Variants in DST observed in about 807,000 individuals in gnomAD.
The protein encoded by DST is bullous pemphigoid antigen.
DST carries 253 observed loss-of-function variants against 875.2 expected under a neutral mutation model. The ratio of observed to expected loss-of-function variants is 0.29; its 90% CI spans 0.26 to 0.32. The LOEUF is 0.32. Among genes scored for constraint, DST ranks in the 10% least tolerant of loss-of-function variants. The probability of loss-of-function intolerance (pLI) is 1.00; values close to 1 mark genes in which losing one functional copy is unlikely to be tolerated. For missense variants in DST, 8,287 were observed against 9,111.6 expected, an observed-to-expected ratio of 0.91 and a Z score of 3.68; for synonymous variants, 3,124 against 3,197.1, an observed-to-expected ratio of 0.98 and a Z score of 0.77.
At chr6:56,910,465 C>T (rs1798359400) in intron 2 of DST, among the ~76,000 whole-genome samples, 1 of 145,720 alleles carries the variant, frequency 6.9e-6, no homozygotes, top group African/African-American at 2.7e-5. Context: ...CTGAATTGTA[C>T]ATTTATTTTA....
chr6:56,720,414 C>T (rs1447997160), intron 5 of DST, among the ~76,000 whole-genome samples: 1 of 148,218 alleles, frequency 6.7e-6, no homozygotes, highest in Non-Finnish European at 1.5e-5. Context: ...AGGGATTTGG[C>T]AGGGTCATAG....
chr6:56,621,957 A>C (rs1189378132), intron 36 of DST, among the ~76,000 whole-genome samples: 1 of 152,204 alleles, frequency 6.6e-6, no homozygotes, highest in Non-Finnish European at 1.5e-5. Context: ...TGCTAACCTA[A>C]ATAAGGTTTC....
intron 69 of DST, among the ~76,000 whole-genome samples, chr6:56,521,285 A>T (rs1312874477): frequency 6.6e-6 from 1 of 151,994 alleles, no homozygotes; most frequent in Middle Eastern, 3.2e-3. Flanking sequence ...ACCTGAGTGT[A>T]AATACTGCAA....
chr6:56,586,324 T>C (rs1463357933), intron 49 of DST, among the ~76,000 whole-genome samples: 1 of 151,938 alleles, frequency 6.6e-6, no homozygotes, highest in Non-Finnish European at 1.5e-5. Context: ...CTCTTCTGGT[T>C]GAATTGATCC....
intron 9 of DST, among the ~76,000 whole-genome samples, chr6:56,679,024 A>G (rs1195803723): frequency 6.6e-6 from 1 of 152,200 alleles, no homozygotes; most frequent in Non-Finnish European, 1.5e-5. Flanking sequence ...TATGAAACAT[A>G]CATGTTAATA....
intron 4 of DST, among the ~76,000 whole-genome samples, chr6:56,764,350 T>C (rs1347221980): frequency 6.6e-6 from 1 of 152,218 alleles, no homozygotes; most frequent in East Asian, 1.9e-4. Context: ...GCTTGGCTTG[T>C]AGCCTTTTCT....
chr6:56,499,832 G>A (rs967091821), intron 80 of DST, among the ~76,000 whole-genome samples: 3 of 152,092 alleles, frequency 2.0e-5, no homozygotes, highest in African/African-American at 7.2e-5. Context: ...TGTAAATGCA[G>A]CTATAAACTC....
At chr6:56,685,365 G>GAAGTCATACAAGCGGCC (rs1220992197) in intron 9 of DST, among the ~76,000 whole-genome samples, 2 of 152,136 alleles carry the variant, frequency 1.3e-5, no homozygotes, top group African/African-American at 2.4e-5. Context: ...CTTCGCAAAA[G>GAAGTCATACAAGCGGCC]AAGTCATACA....
chr6:56,573,038 A>G lies in DST; in HGVS notation c.13263T>C (p.Arg4421=). The G allele has an allele frequency of 6.3e-7, 1 of 1,592,576 alleles. No homozygotes were observed. The highest frequency in any genetic ancestry group is 8.5e-7 in the Non-Finnish European group (1 of 1,169,798). ...CATTCATGGCATTTATACTGCTCTG[A>G]CGACCTGCAATATCCTGTTCCAACA... ...NIMLEQDIAG[R]QSSINAMNEK... is the part of the protein sequence containing the mutation. Residue 4421 remains arginine, a synonymous_variant, in exon 52 of 104, where the codon CGT becomes CGC. Transcript: ENST00000680361.
At chr6:56,776,607 T>C (rs1423223945) in intron 4 of DST, among the ~76,000 whole-genome samples, 1 of 152,190 alleles carries the variant, frequency 6.6e-6, no homozygotes, top group Non-Finnish European at 1.5e-5. Context: ...TTAATACTAT[T>C]GTAAAATCTA....
chr6:56,859,975 C>A (rs1770151294), intron 3 of DST, among the ~76,000 whole-genome samples: 2 of 152,174 alleles, frequency 1.3e-5, no homozygotes, highest in Admixed American at 1.3e-4. Flanking sequence ...CAAGAGTATC[C>A]TATCCAAAAC....
intron 4 of DST, among the ~76,000 whole-genome samples, chr6:56,796,791 G>A (rs991187653): frequency 2.6e-5 from 4 of 151,876 alleles, no homozygotes; most frequent in Non-Finnish European, 4.4e-5. Flanking sequence ...AGAGAAGGAA[G>A]GAGGAAGGAA....
chr6:56,469,028 C>A, intron 97 of DST, 29 bp from the exon 98 acceptor site: 1 of 1,555,376 alleles, frequency 6.4e-7, no homozygotes, highest in Admixed American at 1.9e-5. Context: ...GGAAGAAAGA[C>A]ACAATTAGTT....
At chr6:56,794,399 AC>A (rs1215912544) in intron 4 of DST, among the ~76,000 whole-genome samples, 1 of 152,188 alleles carries the variant, frequency 6.6e-6, no homozygotes, top group African/African-American at 2.4e-5. Flanking sequence ...GTACATACTT[AC>A]CAACAAGGAG....
chr6:56,716,470 C>T (rs186701950), intron 5 of DST, among the ~76,000 whole-genome samples: 18 of 152,314 alleles, frequency 1.2e-4, no homozygotes, highest in Admixed American at 1.0e-3. Flanking sequence ...GACCTTGGGT[C>T]AGGCAAAGAT....
chr6:56,576,142 C>T (rs149484942), intron 50 of DST, among the ~76,000 whole-genome samples: 1 of 152,270 alleles, frequency 6.6e-6, no homozygotes, highest in African/African-American at 2.4e-5. Context: ...GTCTGGGGAG[C>T]TTCTGAATAG....
intron 10 of DST, among the ~76,000 whole-genome samples, chr6:56,656,331 C>T (rs1467409351): frequency 2.0e-5 from 3 of 152,258 alleles, no homozygotes; most frequent in Non-Finnish European, 4.4e-5. Context: ...TCAAAAAGCA[C>T]ATGTTGCTGC....
At chr6:56,938,901 G>T (rs1485479462) in intron 2 of DST, among the ~76,000 whole-genome samples, 2 of 152,252 alleles carry the variant, frequency 1.3e-5, no homozygotes, top group Non-Finnish European at 2.9e-5. Flanking sequence ...GATGAGCCAA[G>T]CCTGACTCAG....
rs2099416527 is a variant in DST at position 56,721,504 on chromosome 6, GAACT to G, written c.687+13720_687+13723del. 2.0e-5 allele frequency among the ~76,000 whole-genome samples: 3 copies of G among 152,126 alleles called. No individual in the cohort carries two copies. The South Asian group carries it at 6.2e-4, about 31-fold the overall frequency. On this transcript the variant is annotated intron_variant, in intron 5 of 103. Coordinates refer to ENST00000680361, the MANE Select transcript of DST (RefSeq NM_001374736.1). ...GAAATTATAAAAGTATTAATTTGGG[GAACT>G]AATAAATGTCCATGAAATCTTCACA...
Sources: gnomAD v4.1 joint callset for allele counts (sites outside exome capture counted in the v4.1 genomes callset) on GRCh38, gnomAD v4.1.1 for gene constraint, MANE v1.5 for transcripts, NCBI Gene and HGNC (gene_info 2026-07-23, HGNC 2026-07-21) for gene names.